GABRB1: variants seen among roughly 807,000 people sequenced by gnomAD.
GABRB1 encodes gamma-aminobutyric acid receptor subunit beta-1.
A neutral mutation model predicts 51.6 loss-of-function variants in GABRB1; 17 were observed. That is an observed-to-expected ratio of 0.33 (90% CI 0.23 to 0.49). The LOEUF (loss-of-function observed/expected upper bound fraction) is 0.49, where lower values mean the gene tolerates loss of function less well. Among genes scored for constraint, GABRB1 ranks in the 20% least tolerant of loss-of-function variants. The pLI is 0.99. For synonymous variants in GABRB1, 247 were observed against 218.9 expected, an observed-to-expected ratio of 1.13 and a Z score of -1.14; for missense variants, 410 against 600.6, an observed-to-expected ratio of 0.68 and a Z score of 3.32.
chr4:47,109,404 C>T (rs1715124623), intron 3 of GABRB1, among the ~76,000 whole-genome samples: 1 of 152,030 alleles, frequency 6.6e-6, no homozygotes, highest in Non-Finnish European at 1.5e-5. Flanking sequence ...AAACAATGCC[C>T]TTGCCATTCA....
intron 8 of GABRB1, among the ~76,000 whole-genome samples, chr4:47,408,734 C>G (rs946491007): frequency 6.6e-6 from 1 of 152,214 alleles, no homozygotes; most frequent in Admixed American, 6.5e-5. Context: ...ACCATACCAG[C>G]TTTAAAAGTA....
intron 4 of GABRB1, among the ~76,000 whole-genome samples, chr4:47,285,434 A>T (rs1001423910): frequency 2.0e-5 from 3 of 152,234 alleles, no homozygotes; most frequent in Admixed American, 6.5e-5. Context: ...TTACATTTTT[A>T]TATAGAACGT....
At chr4:47,140,627 C>T (rs1352695449) in intron 3 of GABRB1, among the ~76,000 whole-genome samples, 4 of 151,956 alleles carry the variant, frequency 2.6e-5, no homozygotes, top group Non-Finnish European at 4.4e-5. Context: ...TTAGCTCCAA[C>T]ATTCCATATT....
At chr4:47,229,340 A>G (rs1721059382) in intron 4 of GABRB1, among the ~76,000 whole-genome samples, 1 of 152,190 alleles carries the variant, frequency 6.6e-6, no homozygotes, top group Non-Finnish European at 1.5e-5. Context: ...TATGACAACG[A>G]AAGATAATAT....
intron 5 of GABRB1, among the ~76,000 whole-genome samples, chr4:47,378,511 C>T (rs965765358): frequency 1.3e-5 from 2 of 152,228 alleles, no homozygotes; most frequent in African/African-American, 4.8e-5. Context: ...CACAGTGCAG[C>T]GGTGGGCTGA....
intron 3 of GABRB1, among the ~76,000 whole-genome samples, chr4:47,157,447 T>G (rs1298986659): frequency 6.6e-6 from 1 of 152,116 alleles, no homozygotes; most frequent in Non-Finnish European, 1.5e-5. Context: ...GTCATAGGCT[T>G]TATTATATTC....
chr4:47,128,336 G>A (rs1716256302), intron 3 of GABRB1, among the ~76,000 whole-genome samples: 1 of 151,794 alleles, frequency 6.6e-6, no homozygotes, highest in Non-Finnish European at 1.5e-5. Context: ...AAGCTTGGAA[G>A]AGAGAATTAA....
At chr4:47,230,245 G>A (rs1721090069) in intron 4 of GABRB1, among the ~76,000 whole-genome samples, 1 of 152,108 alleles carries the variant, frequency 6.6e-6, no homozygotes, top group South Asian at 2.1e-4. Context: ...TGCATGACAG[G>A]AAGGAAGAAA....
upstream of GABRB1, among the ~76,000 whole-genome samples, chr4:47,026,870 G>A (rs144560778): frequency 8.2e-3 from 1,248 of 151,966 alleles, 20 homozygotes; most frequent in African/African-American, 0.027. Context: ...AATTAATAAC[G>A]TACTAGAAAA....
intron 3 of GABRB1, among the ~76,000 whole-genome samples, chr4:47,123,482 C>A (rs1231426913): frequency 3.4e-5 from 3 of 87,120 alleles, no homozygotes; most frequent in Non-Finnish European, 6.4e-5. Context: ...TAATATATTA[C>A]ATTATTTCAT....
At chr4:47,408,273 G>A (rs1340275730) in intron 8 of GABRB1, among the ~76,000 whole-genome samples, 1 of 152,194 alleles carries the variant, frequency 6.6e-6, no homozygotes, top group Non-Finnish European at 1.5e-5. Context: ...AATAGCAAGT[G>A]CATAGGCTCT....
chr4:47,183,344 GCATATATA>G (rs1387362764), intron 4 of GABRB1, among the ~76,000 whole-genome samples: 11 of 52,416 alleles, frequency 2.1e-4, no homozygotes, highest in East Asian at 6.9e-4. Context: ...ATGTGTGTGT[GCATATATA>G]TATATATATA....
chr4:47,388,624 G>T (rs1266429090), intron 5 of GABRB1, among the ~76,000 whole-genome samples: 1 of 152,156 alleles, frequency 6.6e-6, no homozygotes, highest in East Asian at 1.9e-4. Context: ...AATTAACCTT[G>T]GGGACAGGTC....
At chr4:47,338,581 G>T (rs1283813201) in intron 5 of GABRB1, among the ~76,000 whole-genome samples, 1 of 152,122 alleles carries the variant, frequency 6.6e-6, no homozygotes, top group Non-Finnish European at 1.5e-5. Flanking sequence ...AGACTCTGAA[G>T]ACACGTATTT....
chr4:47,009,612 A>T (rs537945749), intron 1 of GABRB1, among the ~76,000 whole-genome samples: 6 of 152,338 alleles, frequency 3.9e-5, no homozygotes, highest in South Asian at 2.1e-4. Context: ...GGTTAGCCAG[A>T]TGATGTCAAA....
intron 4 of GABRB1, among the ~76,000 whole-genome samples, chr4:47,278,974 G>A (rs1429408454): frequency 6.6e-6 from 1 of 152,056 alleles, no homozygotes; most frequent in Non-Finnish European, 1.5e-5. Context: ...GTGCTATATT[G>A]CTCATTTTTG....
At chr4:46,998,898 G>A (rs1041459019) in intron 1 of GABRB1, among the ~76,000 whole-genome samples, 1 of 151,998 alleles carries the variant, frequency 6.6e-6, no homozygotes, top group Admixed American at 6.6e-5. Context: ...CTCAGAATAA[G>A]TTTAGAAGTG....
intron 4 of GABRB1, among the ~76,000 whole-genome samples, chr4:47,260,235 G>A (rs540283001): frequency 6.6e-6 from 1 of 151,654 alleles, no homozygotes; most frequent in Non-Finnish European, 1.5e-5. Flanking sequence ...CATGTGAGAT[G>A]GGTTTCCTGA....
In GABRB1 at chr4:47,382,223, T is replaced by C. The variant is rs530146591; in HGVS notation, c.545-21095T>C. On this transcript the variant is annotated intron_variant, in intron 5 of 8. Coordinates refer to ENST00000295454, the MANE Select transcript of GABRB1 (RefSeq NM_000812.4). ...CCAGGGTTTTTCAACATCAGCAATA[T>C]TGACATGTTGGGTGGAATAATTCTT... Among the ~76,000 whole-genome samples, 7 of 152,286 alleles carry C rather than the reference T, an allele frequency of 4.6e-5. No homozygotes were observed. The South Asian group carries it at 1.5e-3, about 32-fold the overall frequency.
Sources: gnomAD v4.1 joint callset for allele counts (sites outside exome capture counted in the v4.1 genomes callset) on GRCh38, gnomAD v4.1.1 for gene constraint, MANE v1.5 for transcripts, NCBI Gene and HGNC (gene_info 2026-07-23, HGNC 2026-07-21) for gene names.